SUCLG2: variants seen among roughly 807,000 people sequenced by gnomAD.
SUCLG2 encodes succinate--CoA ligase [GDP-forming] subunit beta, mitochondrial.
A neutral mutation model predicts 47.9 loss-of-function variants in SUCLG2; 42 were observed. The observed-to-expected ratio is 0.88, with a 90% CI of 0.69 to 1.14. The LOEUF (loss-of-function observed/expected upper bound fraction) is 1.14. Ranked by LOEUF, SUCLG2 falls within the 50% of genes most tolerant of loss-of-function variation. The pLI is 0.00. For missense variants in SUCLG2, 571 were observed against 525.9 expected (o/e 1.09, Z -0.84); for synonymous variants, 195 against 197.3 (o/e 0.99, Z 0.10).
chr3:67,422,041 T>C (rs1409665658), intron 9 of SUCLG2, among the ~76,000 whole-genome samples: 4 of 152,148 alleles, frequency 2.6e-5, no homozygotes, highest in African/African-American at 9.7e-5. Flanking sequence ...TTTACTCAAA[T>C]GAGGCAAGTA....
chr3:67,490,938 TAAAAGATAACAAATGC>T (rs1705186105), intron 9 of SUCLG2, among the ~76,000 whole-genome samples: 1 of 151,970 alleles, frequency 6.6e-6, no homozygotes, highest in Admixed American at 6.6e-5. Flanking sequence ...AAAAGTAAAG[TAAAAGATAACAAATGC>T]AAAAGAGTAT....
intron 10 of SUCLG2, among the ~76,000 whole-genome samples, chr3:67,391,351 G>A (rs17194944): frequency 0.057 from 8,663 of 152,006 alleles, 320 homozygotes; most frequent in Middle Eastern, 0.13. Context: ...GTCCTTCTTA[G>A]CATGGACTCG....
rs562247336 is a variant in SUCLG2 at position 67,407,705 on chromosome 3, T to C, written c.1063-6854A>G. 4.6e-5 allele frequency among the ~76,000 whole-genome samples: 7 copies of C among 152,352 alleles called. No homozygotes were observed. In the East Asian group the frequency reaches 1.3e-3, roughly 29 times the overall value. On this transcript the variant is annotated intron_variant, in intron 9 of 10. Coordinates refer to ENST00000307227, the MANE Select transcript of SUCLG2 (RefSeq NM_003848.4). ...ATCACGAATGCTAATTTAGTCCCAC[T>C]GTAGCAGGCATGAGGTTGATAAAAA... is the stretch of plus-strand genomic sequence containing the variant.
At chr3:67,619,354 G>T (rs1700689533) in intron 1 of SUCLG2, among the ~76,000 whole-genome samples, 1 of 152,198 alleles carries the variant, frequency 6.6e-6, no homozygotes, top group South Asian at 2.1e-4. Flanking sequence ...CCTGCTCAGG[G>T]TGACACAGCT....
chr3:67,634,775 C>A (rs935195767), intron 1 of SUCLG2, among the ~76,000 whole-genome samples: 3 of 152,136 alleles, frequency 2.0e-5, no homozygotes, highest in African/African-American at 4.8e-5. Context: ...TGGTATTTTT[C>A]ATATTTATCT....
intron 7 of SUCLG2, among the ~76,000 whole-genome samples, chr3:67,499,720 G>GTTTGTTTATTTATTTATTTATTTA (rs573806231): frequency 8.6e-5 from 13 of 150,858 alleles, no homozygotes; most frequent in African/African-American, 2.9e-4. Flanking sequence ...TTGTTTGTTT[G>GTTTGTTTATTTATTTATTTATTTA]TTTATTTATT....
intron 9 of SUCLG2, among the ~76,000 whole-genome samples, chr3:67,426,761 C>G (rs1411681147): frequency 6.6e-6 from 1 of 152,116 alleles, no homozygotes; most frequent in East Asian, 1.9e-4. Context: ...AACCCCATCT[C>G]TACAAAAATA....
intron 1 of SUCLG2, among the ~76,000 whole-genome samples, chr3:67,634,886 T>G (rs1559606447): frequency 1.3e-5 from 2 of 152,212 alleles, no homozygotes; most frequent in East Asian, 1.9e-4. Context: ...TACTAACCAA[T>G]CTTCCTTTTC....
At chr3:67,468,844 C>A (rs773725762) in intron 9 of SUCLG2, among the ~76,000 whole-genome samples, 4 of 152,108 alleles carry the variant, frequency 2.6e-5, no homozygotes, top group Non-Finnish European at 5.9e-5. Context: ...CAATGGATAA[C>A]GGAAACAGAG....
intron 1 of SUCLG2, among the ~76,000 whole-genome samples, chr3:67,640,884 A>C (rs1383787144): frequency 1.3e-5 from 2 of 152,230 alleles, no homozygotes; most frequent in Non-Finnish European, 1.5e-5. Flanking sequence ...AGATCAGCTG[A>C]ATTAAGTTAC....
intron 2 of SUCLG2, among the ~76,000 whole-genome samples, chr3:67,548,524 T>C (rs995420661): frequency 2.6e-5 from 4 of 152,216 alleles, no homozygotes; most frequent in Non-Finnish European, 5.9e-5. Context: ...AAAATATTAA[T>C]TTATAATAAA....
At chr3:67,385,002 C>T (rs1176364339) in intron 10 of SUCLG2, among the ~76,000 whole-genome samples, 1 of 152,218 alleles carries the variant, frequency 6.6e-6, no homozygotes, top group East Asian at 1.9e-4. Context: ...GCGGGACACA[C>T]TTAGCGTCTA....
intron 2 of SUCLG2, among the ~76,000 whole-genome samples, chr3:67,581,764 GAGCACTAAA>G (rs1300519943): frequency 6.6e-6 from 1 of 152,206 alleles, no homozygotes; most frequent in Non-Finnish European, 1.5e-5. Flanking sequence ...AAGGAGATGT[GAGCACTAAA>G]GTACCTACGG....
chr3:67,554,636 G>T (rs1032874454), intron 2 of SUCLG2, among the ~76,000 whole-genome samples: 1 of 152,042 alleles, frequency 6.6e-6, no homozygotes, highest in Non-Finnish European at 1.5e-5. Flanking sequence ...AAAATAATAC[G>T]TTGAAAACTT....
At chr3:67,548,279 A>G (rs1239351653) in intron 2 of SUCLG2, among the ~76,000 whole-genome samples, 2 of 152,166 alleles carry the variant, frequency 1.3e-5, no homozygotes, top group African/African-American at 4.8e-5. Context: ...ATTTTTCCCC[A>G]ATGTTCTATT....
intron 4 of SUCLG2, 149 bp downstream of exon 4, chr3:67,527,983 T>G: frequency 1.6e-6 from 1 of 643,282 alleles, no homozygotes; most frequent in Non-Finnish European, 2.7e-6. Flanking sequence ...GACATACTAC[T>G]TACTAAACAG....
At chr3:67,613,049 G>T (rs923190982) in intron 1 of SUCLG2, among the ~76,000 whole-genome samples, 2 of 152,172 alleles carry the variant, frequency 1.3e-5, no homozygotes, top group African/African-American at 4.8e-5. Context: ...CCACCTTGCA[G>T]ATACCGCCAC....
intron 9 of SUCLG2, among the ~76,000 whole-genome samples, chr3:67,441,360 G>C (rs1368079678): frequency 6.8e-6 from 1 of 147,844 alleles, no homozygotes; most frequent in Non-Finnish European, 1.5e-5. Flanking sequence ...ATGTATCTCA[G>C]AACTTAAAAA....
intron 2 of SUCLG2, among the ~76,000 whole-genome samples, chr3:67,567,187 GA>G (rs1040982308): frequency 3.7e-5 from 5 of 133,848 alleles, no homozygotes; most frequent in South Asian, 2.3e-4. Flanking sequence ...TGTCTCAAAA[GA>G]AAAAAAAAAG....
Sources: gnomAD v4.1 joint callset for allele counts (sites outside exome capture counted in the v4.1 genomes callset) on GRCh38, gnomAD v4.1.1 for gene constraint, MANE v1.5 for transcripts, NCBI Gene and HGNC (gene_info 2026-07-23, HGNC 2026-07-21) for gene names.